FARS2: variants seen among roughly 807,000 people sequenced by gnomAD.
The protein encoded by FARS2 is phenylalanyl-tRNA synthetase 2, mitochondrial, also known as phenylalanine--tRNA ligase, mitochondrial.
FARS2 carries 40 observed loss-of-function variants against 46.4 expected under a neutral mutation model. The ratio of observed to expected loss-of-function variants is 0.86; its 90% CI spans 0.67 to 1.12. FARS2 has a LOEUF of 1.12. Among genes scored for constraint, FARS2 ranks in the 50% most tolerant of loss-of-function variants. The pLI is 0.00. For missense variants in FARS2, 513 were observed against 567.9 expected (o/e 0.90, Z 0.98); for synonymous variants, 234 against 214.9 (o/e 1.09, Z -0.78).
At chr6:5,473,238 T>G (rs1024601144) in intron 4 of FARS2, among the ~76,000 whole-genome samples, 1 of 152,116 alleles carries the variant, frequency 6.6e-6, no homozygotes, top group African/African-American at 2.4e-5. Flanking sequence ...AAGAATACCC[T>G]GCTCCTGGCC....
chr6:5,623,726 AAT>A (rs1270420242), intron 6 of FARS2, among the ~76,000 whole-genome samples: 1 of 144,834 alleles, frequency 6.9e-6, no homozygotes, highest in African/African-American at 2.9e-5. Context: ...AAAATAAATA[AAT>A]AAAATAAAGA....
At chr6:5,526,770 C>T (rs9504425) in intron 4 of FARS2, among the ~76,000 whole-genome samples, 3,293 of 152,200 alleles carry the variant, frequency 0.022, 43 homozygotes, top group Middle Eastern at 0.027. Context: ...GTGCCCACCC[C>T]TACACCCAGT....
At chr6:5,740,186 T>C (rs374969377) in intron 6 of FARS2, among the ~76,000 whole-genome samples, 1 of 152,102 alleles carries the variant, frequency 6.6e-6, no homozygotes, top group African/African-American at 2.4e-5. Flanking sequence ...GTCTAGAGTA[T>C]CTCCTCCAGG....
chr6:5,310,116 G>C (rs546695301), intron 1 of FARS2, among the ~76,000 whole-genome samples: 1 of 152,076 alleles, frequency 6.6e-6, no homozygotes, highest in South Asian at 2.1e-4. Flanking sequence ...AATCACTAGG[G>C]AAAGTAGGTT....
intron 1 of FARS2, among the ~76,000 whole-genome samples, chr6:5,325,958 A>C (rs1237104649): frequency 6.6e-6 from 1 of 152,234 alleles, no homozygotes; most frequent in African/African-American, 2.4e-5. Flanking sequence ...GGAAAATCTC[A>C]CAATATACCA....
In FARS2 at chr6:5,414,229, C is replaced by A. The variant is rs191300492; in HGVS notation, c.772+9528C>A. ...CAGATTGGGGAAAACACTTATTATG[C>A]TGAATCTTTCTGCTTACTCTTTTGT... On this transcript the variant is annotated intron_variant, in intron 3 of 6. Coordinates refer to ENST00000274680, the MANE Select transcript of FARS2 (RefSeq NM_006567.5). 1.1e-4 allele frequency among the ~76,000 whole-genome samples: 17 copies of A among 152,304 alleles called. 1 individual carries two copies. The highest frequency in any genetic ancestry group is 7.8e-4 in the Admixed American group (12 of 15,300).
At chr6:5,256,318 C>T (rs540570153), upstream of FARS2, among the ~76,000 whole-genome samples, 3 of 151,372 alleles carry the variant, frequency 2.0e-5, no homozygotes, top group Non-Finnish European at 2.9e-5. Context: ...GGTGAAACCC[C>T]GCCTCTACTA....
chr6:5,387,002 T>G (rs930186553), intron 2 of FARS2, among the ~76,000 whole-genome samples: 1 of 152,108 alleles, frequency 6.6e-6, no homozygotes, highest in African/African-American at 2.4e-5. Flanking sequence ...TCCCTTGGCG[T>G]ACAAATATTT....
At chr6:5,747,234 A>G (rs1376759554) in intron 6 of FARS2, among the ~76,000 whole-genome samples, 1 of 152,226 alleles carries the variant, frequency 6.6e-6, no homozygotes, top group Admixed American at 6.5e-5. Context: ...GTAGCCACTG[A>G]AAGGATGGCC....
rs573972361 is a variant in FARS2 at position 5,409,311 on chromosome 6, C to T, written c.772+4610C>T. On this transcript the variant is annotated intron_variant, in intron 3 of 6. Transcript: ENST00000274680. ...TAAAAATACAAAAAAATTAGCTGGG[C>T]GTGGTGGCACACGCCTGTAGTCCCG... Among the ~76,000 whole-genome samples, 224 of 152,104 alleles carry T rather than the reference C, an allele frequency of 1.5e-3. 1 individual carries two copies. Among genetic ancestry groups the T allele is most frequent in the Middle Eastern group, 6.8e-3 (2 of 294 alleles).
At chr6:5,742,462 T>A (rs1761403244) in intron 6 of FARS2, among the ~76,000 whole-genome samples, 1 of 152,130 alleles carries the variant, frequency 6.6e-6, no homozygotes, top group Non-Finnish European at 1.5e-5. Context: ...CACTCAGTAT[T>A]TTTTTCCCCA....
At chr6:5,687,280 A>G (rs1044297480) in intron 6 of FARS2, among the ~76,000 whole-genome samples, 1 of 152,212 alleles carries the variant, frequency 6.6e-6, no homozygotes, top group African/African-American at 2.4e-5. Flanking sequence ...GCCCATGCCT[A>G]TGCCCTGAAT....
chr6:5,704,386 C>T (rs1758617740), intron 6 of FARS2, among the ~76,000 whole-genome samples: 1 of 152,202 alleles, frequency 6.6e-6, no homozygotes, highest in African/African-American at 2.4e-5. Flanking sequence ...CTCAGACCAT[C>T]ATCTTGGGGG....
chr6:5,557,262 A>G (rs757351781), intron 5 of FARS2, among the ~76,000 whole-genome samples: 88 of 152,154 alleles, frequency 5.8e-4, no homozygotes, highest in Admixed American at 1.9e-3. Flanking sequence ...AATAACAACA[A>G]CAGCAGCAAA....
At chr6:5,483,010 A>G (rs7758101) in intron 4 of FARS2, among the ~76,000 whole-genome samples, 2,980 of 152,164 alleles carry the variant, frequency 0.02, 106 homozygotes, top group African/African-American at 0.068. Flanking sequence ...ACGCACATCT[A>G]TCCACCTCTG....
At chr6:5,688,945 G>T (rs568929462) in intron 6 of FARS2, among the ~76,000 whole-genome samples, 1 of 152,136 alleles carries the variant, frequency 6.6e-6, no homozygotes, top group East Asian at 1.9e-4. Context: ...TGTATGTGTC[G>T]AGGAATTTAT....
intron 2 of FARS2, among the ~76,000 whole-genome samples, chr6:5,377,967 A>G (rs900303367): frequency 5.9e-5 from 9 of 152,234 alleles, no homozygotes; most frequent in Admixed American, 1.3e-4. Flanking sequence ...ATAATTGTGG[A>G]GAAGTTATAA....
intron 4 of FARS2, chr6:5,467,261 T>TA: frequency 9.8e-6 from 2 of 203,304 alleles, no homozygotes; most frequent in Non-Finnish European, 1.7e-5. Context: ...AACCAATCCT[T>TA]AAATGGGCAT....
intron 6 of FARS2, among the ~76,000 whole-genome samples, chr6:5,739,764 G>T (rs762701860): frequency 1.3e-5 from 2 of 152,180 alleles, no homozygotes; most frequent in African/African-American, 2.4e-5. Flanking sequence ...AGAACGGTAG[G>T]TCAGGCAGGA....
Sources: allele counts gnomAD v4.1 joint callset (sites outside exome capture counted in the v4.1 genomes callset), GRCh38; gene constraint gnomAD v4.1.1; transcripts MANE v1.5; gene names NCBI Gene and HGNC (gene_info 2026-07-23, HGNC 2026-07-21).